The following PCDH15 variants were observed in gnomAD, a reference collection of about 807,000 sequenced individuals.
The protein encoded by PCDH15 is protocadherin-15.
In PCDH15, 129 loss-of-function variants were observed where a neutral mutation model predicts 178.5. The observed-to-expected ratio is 0.72, with a 90% confidence interval of 0.63 to 0.84. The LOEUF (loss-of-function observed/expected upper bound fraction) is 0.84. PCDH15 is among the 40% of genes least tolerant of loss of function. The pLI, the probability that PCDH15 is intolerant of heterozygous loss-of-function variation, is 0.00. For synonymous variants in PCDH15, 800 were observed against 732.0 expected (o/e 1.09, Z -1.50); for missense variants, 2,230 against 2,099.9 (o/e 1.06, Z -1.21).
intron 2 of PCDH15, among the ~76,000 whole-genome samples, chr10:55,075,651 C>T (rs565879803): frequency 1.3e-5 from 2 of 152,262 alleles, no homozygotes; most frequent in South Asian, 4.1e-4. Flanking sequence ...GCATAAGCCA[C>T]TGTGCCTGGC....
At chr10:55,447,576 G>A (rs918406450) in intron 2 of PCDH15, among the ~76,000 whole-genome samples, 7 of 151,868 alleles carry the variant, frequency 4.6e-5, no homozygotes, top group African/African-American at 1.7e-4. Context: ...AATGGTATCA[G>A]CAAAACAAAA....
rs116899589 is a variant in PCDH15 at position 54,539,761 on chromosome 10, G to C, written c.92-11884C>G. Among the ~76,000 whole-genome samples, 408 of 152,140 alleles carry C rather than the reference G, an allele frequency of 2.7e-3. 3 individuals are homozygous for C. The highest frequency in any genetic ancestry group is 4.8e-3 in the Non-Finnish European group (327 of 67,978). On this transcript the variant is annotated intron_variant, in intron 2 of 37. Transcript: ENST00000644397. ...CAAGTTGGAAAAAATCCAAAAGAAG[G>C]TCTTTCCATAAAACAAGTCTCAAAG...
At chr10:55,253,194 G>A (rs1256790545) in intron 1 of PCDH15, among the ~76,000 whole-genome samples, 1 of 151,600 alleles carries the variant, frequency 6.6e-6, no homozygotes, top group African/African-American at 2.4e-5. Flanking sequence ...AATGGAGAGA[G>A]TATAGGGCAT....
rs5785023 is a variant in PCDH15 at position 53,866,870 on chromosome 10, GA to G, written c.3502-14del. ...CTTTATCAGTAGCCTAGACGGAGGG[GA>G]AAAAAAAAGAGATTATAATTAAGCA... On this transcript the variant is annotated splice_polypyrimidine_tract_variant and intron_variant, in intron 26 of 37. Coordinates refer to ENST00000644397, the MANE Select transcript of PCDH15 (RefSeq NM_001384140.1). 1.2e-3 allele frequency: 1,819 copies of G among 1,480,142 alleles called. 12 individuals are homozygous for G. The highest frequency in any genetic ancestry group is 8.1e-3 in the African/African-American group (572 of 70,428). 91.7% of individuals were successfully genotyped at this position (1,480,142 alleles called of 1,614,324 possible).
chr10:54,237,011 G>A lies in PCDH15; in HGVS notation c.877-80C>T, dbSNP rs537021154. The A allele has an allele frequency of 2.6e-4, 300 of 1,161,378 alleles. 4 individuals carry two copies. In the South Asian group the frequency reaches 3.6e-3, roughly 14 times the overall value. 71.9% of individuals were successfully genotyped at this position (1,161,378 alleles called of 1,614,324 possible). A position where few individuals can be genotyped will look rare whatever the true frequency, so the allele number is the denominator to read the frequency against. ...GGATTGAGACAGATGCTTTAGTTTG[G>A]AAATCTATATAACGTCTGAGACAGT... On this transcript the variant is annotated intron_variant, in intron 8 of 37. Transcript: ENST00000644397.
intron 2 of PCDH15, among the ~76,000 whole-genome samples, chr10:55,383,713 C>T (rs898306096): frequency 2.0e-5 from 3 of 152,142 alleles, no homozygotes; most frequent in Admixed American, 6.5e-5. Flanking sequence ...TGATATGTAT[C>T]TCTTGTTGCC....
chr10:55,355,276 A>T (rs1348286125), intron 2 of PCDH15, among the ~76,000 whole-genome samples: 1 of 151,996 alleles, frequency 6.6e-6, no homozygotes, highest in African/African-American at 2.4e-5. Flanking sequence ...TAAATGCCGA[A>T]GATTGGATTG....
chr10:54,479,642 C>T (rs115420808), intron 3 of PCDH15, among the ~76,000 whole-genome samples: 2,802 of 151,986 alleles, frequency 0.018, 74 homozygotes, highest in African/African-American at 0.063. Flanking sequence ...AAATTACTGG[C>T]TCCATTTATT....
intron 1 of PCDH15, among the ~76,000 whole-genome samples, chr10:55,227,836 GAGA>G (rs1592004127): frequency 6.6e-6 from 1 of 152,146 alleles, no homozygotes. Context: ...GTTTGTCGAA[GAGA>G]AGGAGTAGTG....
At chr10:54,215,998 G>A (rs1218730659) in intron 9 of PCDH15, among the ~76,000 whole-genome samples, 10 of 71,004 alleles carry the variant, frequency 1.4e-4, no homozygotes, top group Admixed American at 1.2e-3. Context: ...AGCTGAGATC[G>A]TACCACTGCA....
At chr10:55,040,664 A>G (rs1375294808) in intron 2 of PCDH15, among the ~76,000 whole-genome samples, 1 of 152,214 alleles carries the variant, frequency 6.6e-6, no homozygotes, top group Admixed American at 6.5e-5. Context: ...ACTCACATGC[A>G]CACATACACA....
At chr10:53,976,701 T>TG (rs985203066) in intron 21 of PCDH15, among the ~76,000 whole-genome samples, 1 of 151,890 alleles carries the variant, frequency 6.6e-6, no homozygotes, top group African/African-American at 2.4e-5. Context: ...TAGATTTTTT[T>TG]TGTGATTTGC....
chr10:54,239,208 A>G (rs1395834207), intron 8 of PCDH15, among the ~76,000 whole-genome samples: 1 of 151,648 alleles, frequency 6.6e-6, no homozygotes, highest in African/African-American at 2.4e-5. Flanking sequence ...AGTTACCTAC[A>G]CATAAGCAGT....
chr10:54,467,279 G>C (rs758672497), intron 3 of PCDH15, among the ~76,000 whole-genome samples: 1 of 151,618 alleles, frequency 6.6e-6, no homozygotes, highest in African/African-American at 2.4e-5. Flanking sequence ...TCAGTATTAT[G>C]TTAGCTATGA....
chr10:55,210,835 G>C (rs1840550992), intron 1 of PCDH15, among the ~76,000 whole-genome samples: 1 of 151,348 alleles, frequency 6.6e-6, no homozygotes, highest in Non-Finnish European at 1.5e-5. Flanking sequence ...CACCATGTTG[G>C]CCGGATGGTC....
chr10:54,934,999 A>G (rs1837869929), intron 2 of PCDH15, among the ~76,000 whole-genome samples: 1 of 150,518 alleles, frequency 6.6e-6, no homozygotes, highest in Admixed American at 6.7e-5. Flanking sequence ...CAAACACCGC[A>G]TGTTCTCACT....
intron 1 of PCDH15, among the ~76,000 whole-genome samples, chr10:54,711,463 A>G (rs779324692): frequency 6.6e-6 from 1 of 151,920 alleles, no homozygotes; most frequent in Non-Finnish European, 1.5e-5. Context: ...TTTTCATGCC[A>G]TAGATATCCA....
intron 3 of PCDH15, among the ~76,000 whole-genome samples, chr10:54,478,251 A>G (rs2078427834): frequency 6.6e-6 from 1 of 152,132 alleles, no homozygotes; most frequent in Non-Finnish European, 1.5e-5. Flanking sequence ...CGGCAGGCAT[A>G]TGCAGATTTG....
chr10:54,450,381 TG>T (rs1164401786), intron 3 of PCDH15, among the ~76,000 whole-genome samples: 4 of 151,130 alleles, frequency 2.6e-5, no homozygotes, highest in African/African-American at 4.9e-5. Context: ...AAAATAAGAG[TG>T]TTTTTTTGTA....
Sources: allele counts gnomAD v4.1 joint callset (sites outside exome capture counted in the v4.1 genomes callset), GRCh38; gene constraint gnomAD v4.1.1; transcripts MANE v1.5; gene names NCBI Gene and HGNC (gene_info 2026-07-23, HGNC 2026-07-21).